Variants in APP observed in about 807,000 individuals in gnomAD.
APP encodes the protein amyloid beta precursor protein.
A neutral mutation model predicts 101.4 loss-of-function variants in APP; 31 were observed. The ratio of observed to expected loss-of-function variants is 0.31; its 90% CI spans 0.23 to 0.41. APP has a LOEUF of 0.41. APP is among the 10% of genes least tolerant of loss of function. The pLI, the probability that APP is intolerant of heterozygous loss-of-function variation, is 1.00. For synonymous variants in APP, 366 were observed against 364.4 expected (o/e 1.00, Z -0.05); for missense variants, 839 against 1,003.7 (o/e 0.84, Z 2.22).
At chr21:25,973,943 T>TTAA (rs1555833315) in intron 11 of APP, among the ~76,000 whole-genome samples, 2 of 111,140 alleles carry the variant, frequency 1.8e-5, no homozygotes, top group Admixed American at 1.0e-4. Context: ...CCATCTCATT[T>TTAA]AAAAAAAAAA....
intron 1 of APP, among the ~76,000 whole-genome samples, chr21:26,117,663 G>T (rs1274771041): frequency 6.6e-6 from 1 of 152,188 alleles, no homozygotes; most frequent in African/African-American, 2.4e-5. Flanking sequence ...AATTTTCCAA[G>T]GCTTTGCCCC....
In APP at chr21:25,975,052, G is replaced by T. The variant is rs200083249; in HGVS notation, c.1458+18C>A. ...GTGCTGTGACCTGAAGTGTGAACTCGGCTGCAGCGAGACCTACCCGAGGAG... is the reference window on the plus strand; with the variant it reads ...GTGCTGTGACCTGAAGTGTGAACTCTGCTGCAGCGAGACCTACCCGAGGAG... On this transcript the variant is annotated intron_variant, in intron 11 of 17. Transcript: ENST00000346798. 10 of 1,613,734 alleles carry T rather than the reference G, an allele frequency of 6.2e-6. No homozygotes were observed. The highest frequency in any genetic ancestry group is 7.6e-6 in the Non-Finnish European group (9 of 1,179,980).
intron 1 of APP, among the ~76,000 whole-genome samples, chr21:26,135,187 A>G (rs929902475): frequency 9.2e-5 from 14 of 152,196 alleles, no homozygotes; most frequent in African/African-American, 3.4e-4. Context: ...TAAAGCCAGG[A>G]TTAGAAGTAC....
At position 26,136,207 on chromosome 21, in the gene APP, A is replaced by AAAGAAAGAAAGAAAG. The variant is rs1273283293; in HGVS notation, c.58-24062_58-24061insCTTTCTTTCTTTCTT. ...AAAGAAAGAAAGAAAGAAAGAAAAG[A>AAAGAAAGAAAGAAAG]AAAGAAAGAAAAGAAATAGTTTTGT... On this transcript the variant is annotated intron_variant, in intron 1 of 17. Coordinates refer to ENST00000346798, the MANE Select transcript of APP (RefSeq NM_000484.4). Among the ~76,000 whole-genome samples the AAAGAAAGAAAGAAAG allele has an allele frequency of 3.3e-3, 457 of 137,432 alleles. 9 individuals are homozygous for AAAGAAAGAAAGAAAG. Among genetic ancestry groups the AAAGAAAGAAAGAAAG allele is most frequent in the African/African-American group, 0.012 (401 of 33,838 alleles). 90.2% of individuals were successfully genotyped at this position (137,432 alleles called of 152,430 possible). A position where few individuals can be genotyped will look rare whatever the true frequency, so the allele number is the denominator to read the frequency against.
At chr21:25,927,083 T>C (rs1003720369) in intron 13 of APP, among the ~76,000 whole-genome samples, 4 of 150,606 alleles carry the variant, frequency 2.7e-5, no homozygotes, top group Non-Finnish European at 5.9e-5. Flanking sequence ...ACATTTCAAA[T>C]TTTTGATAGG....
intron 3 of APP, among the ~76,000 whole-genome samples, chr21:26,062,765 T>A (rs2046322666): frequency 6.6e-6 from 1 of 152,006 alleles, no homozygotes; most frequent in African/African-American, 2.4e-5. Context: ...TTATATTTTT[T>A]ATTTTTTATT....
intron 5 of APP, among the ~76,000 whole-genome samples, chr21:26,046,416 AAAAAAG>A (rs1226368579): frequency 2.6e-5 from 4 of 151,964 alleles, no homozygotes; most frequent in Admixed American, 6.6e-5. Context: ...CATCTTAAAA[AAAAAAG>A]AAAAAGAAAA....
chr21:25,976,188 C>T lies in APP; in HGVS notation c.1225-160G>A, dbSNP rs1877108012. Among the ~76,000 whole-genome samples the T allele has an allele frequency of 3.9e-5, 6 of 152,012 alleles. 1 individual carries two copies. The South Asian group carries it at 1.3e-3, about 32-fold the overall frequency. The stretch of plus-strand genomic sequence containing the variant: ...CCTATCTGAAGAATATTTGACCTCC[C>T]ACTAGGATATAAATAATTAATCACA... On this transcript the variant is annotated intron_variant, in intron 9 of 17. Transcript: ENST00000346798.
intron 11 of APP, among the ~76,000 whole-genome samples, chr21:25,959,200 C>T (rs1465488666): frequency 1.3e-5 from 2 of 152,178 alleles, no homozygotes; most frequent in African/African-American, 4.8e-5. Context: ...TTTGGGAGGC[C>T]GAGGCGGGCA....
upstream of APP, chr21:26,170,908 C>T (rs2063734157): frequency 4.1e-6 from 1 of 245,324 alleles, no homozygotes. Context: ...CCCTCGCGCC[C>T]CGCGCCCACA....
chr21:26,160,510 G>C (rs1005152932), intron 1 of APP, among the ~76,000 whole-genome samples: 1 of 152,268 alleles, frequency 6.6e-6, no homozygotes, highest in East Asian at 1.9e-4. Context: ...TTCCTGTCAA[G>C]TTAATGGTAT....
At chr21:25,979,434 T>A (rs1272625057) in intron 9 of APP, among the ~76,000 whole-genome samples, 1 of 152,156 alleles carries the variant, frequency 6.6e-6, no homozygotes, top group African/African-American at 2.4e-5. Flanking sequence ...TGACTACTAC[T>A]AAGTAGAGAT....
intron 11 of APP, among the ~76,000 whole-genome samples, chr21:25,958,328 G>A (rs1255896661): frequency 6.6e-6 from 1 of 152,160 alleles, no homozygotes; most frequent in African/African-American, 2.4e-5. Context: ...CCAGGCTGGA[G>A]TGCAGTGGCG....
chr21:25,915,105 G>A (rs924753838), intron 13 of APP, among the ~76,000 whole-genome samples: 1 of 152,272 alleles, frequency 6.6e-6, no homozygotes, highest in South Asian at 2.1e-4. Context: ...GCCCTCTGTG[G>A]TCTGGGCCCA....
chr21:25,917,124 G>T (rs927446021), intron 13 of APP, among the ~76,000 whole-genome samples: 6 of 152,100 alleles, frequency 3.9e-5, no homozygotes, highest in Non-Finnish European at 7.3e-5. Context: ...AGCCGTGCAT[G>T]GTGGCGGACG....
chr21:26,156,346 C>A (rs928775663), intron 1 of APP, among the ~76,000 whole-genome samples: 2 of 152,060 alleles, frequency 1.3e-5, no homozygotes, highest in South Asian at 4.1e-4. Flanking sequence ...AACAAAGAAG[C>A]AGAGATAGTT....
intron 2 of APP, among the ~76,000 whole-genome samples, chr21:26,103,027 T>C (rs1392669523): frequency 6.6e-6 from 1 of 151,950 alleles, no homozygotes; most frequent in Non-Finnish European, 1.5e-5. Context: ...TCAAAGAATG[T>C]CAAAAGAAAA....
intron 1 of APP, among the ~76,000 whole-genome samples, chr21:26,162,928 C>A (rs2063521872): frequency 6.7e-6 from 1 of 148,204 alleles, no homozygotes; most frequent in Admixed American, 6.8e-5. Flanking sequence ...AAATTCCTAT[C>A]AAAATCACCA....
intron 13 of APP, among the ~76,000 whole-genome samples, chr21:25,924,422 AAAAAAG>A (rs1211194240): frequency 4.1e-4 from 42 of 102,180 alleles, no homozygotes; most frequent in African/African-American, 1.8e-3. Flanking sequence ...AAAAAAAAAA[AAAAAAG>A]GAAAAAAAAA....
Sources: gnomAD v4.1 joint callset for allele counts (sites outside exome capture counted in the v4.1 genomes callset) on GRCh38, gnomAD v4.1.1 for gene constraint, MANE v1.5 for transcripts, NCBI Gene and HGNC (gene_info 2026-07-23, HGNC 2026-07-21) for gene names.